Variants in CCDC88C observed in about 807,000 individuals in gnomAD.
The protein encoded by CCDC88C is protein Daple.
A neutral mutation model predicts 198.8 loss-of-function variants in CCDC88C; 131 were observed. That is an observed-to-expected ratio of 0.66 (90% CI 0.57 to 0.76). The LOEUF (loss-of-function observed/expected upper bound fraction) is 0.76, where lower values mean the gene tolerates loss of function less well. Ranked by LOEUF, CCDC88C falls within the 30% of genes least tolerant of loss-of-function variation. The pLI, the probability that CCDC88C is intolerant of heterozygous loss-of-function variation, is 0.00. For missense variants in CCDC88C, 2,553 were observed against 2,631.6 expected, an observed-to-expected ratio of 0.97 and a Z score of 0.65; for synonymous variants, 1,166 against 1,114.7, an observed-to-expected ratio of 1.05 and a Z score of -0.92.
Position 91,278,188 on chromosome 14 carries a change from G to A in CCDC88C, c.4792C>T (p.Arg1598Trp). 1.9e-6 allele frequency: 3 copies of A among 1,608,912 alleles called. No individual in the cohort carries two copies. Among genetic ancestry groups the A allele is most frequent in the East Asian group, 2.2e-5 (1 of 44,794 alleles). ...TCTTCGCTGCTGAAGCTCTCAGACC[G>A]GCCATGGAGCTGCTCGGAGGAGCCT... ...LKGSSEQLHG[R>W]SESFSSEDLI... The change falls in exon 29 of 30, where the codon CGG (arginine) becomes TGG (tryptophan). Residue 1598 changes from arginine (R) to tryptophan (W), a missense_variant. Arg to Trp is a moderately radical substitution (Grantham distance 101, BLOSUM62 -3). Coordinates refer to ENST00000389857, the MANE Select transcript of CCDC88C (RefSeq NM_001080414.4).
chr14:91,342,590 A>G (rs1232523363), intron 5 of CCDC88C, 127 bp from the exon 6 acceptor site: 2 of 697,002 alleles, frequency 2.9e-6, no homozygotes, highest in African/African-American at 1.8e-5. Context: ...ATAACTAAGA[A>G]CGCTCTTGTC....
intron 3 of CCDC88C, among the ~76,000 whole-genome samples, chr14:91,393,484 G>C (rs529338563): frequency 1.3e-5 from 2 of 152,288 alleles, no homozygotes; most frequent in African/African-American, 4.8e-5. Context: ...CCTCAGCCCC[G>C]ATCTGGCTTC....
At position 91,318,917 on chromosome 14, in the gene CCDC88C, CAAAA is replaced by C. The variant is rs61183857; in HGVS notation, c.1527+2199_1527+2202del. 4.5e-3 allele frequency among the ~76,000 whole-genome samples: 478 copies of C among 105,272 alleles called. 3 individuals carry two copies. The highest frequency in any genetic ancestry group is 0.015 in the African/African-American group (417 of 27,940). 69.1% of individuals were successfully genotyped at this position (105,272 alleles called of 152,430 possible). On this transcript the variant is annotated intron_variant, in intron 13 of 29. Coordinates refer to ENST00000389857, the MANE Select transcript of CCDC88C (RefSeq NM_001080414.4). ...CTGGACAACAGAGCGAGACTCCGTC[CAAAA>C]AAAAAAAAAAAAAAAAAGAACCTGC... is the stretch of plus-strand genomic sequence containing the variant.
At chr14:91,344,235 C>T (rs1049562940) in intron 4 of CCDC88C, among the ~76,000 whole-genome samples, 2 of 123,066 alleles carry the variant, frequency 1.6e-5, no homozygotes, top group African/African-American at 6.3e-5. Flanking sequence ...ACATCAGCAT[C>T]CCTTTTTAGC....
intron 10 of CCDC88C, among the ~76,000 whole-genome samples, chr14:91,335,549 T>C (rs1173276667): frequency 1.3e-5 from 2 of 152,136 alleles, no homozygotes; most frequent in Non-Finnish European, 2.9e-5. Flanking sequence ...CCAGCCATGT[T>C]TGGGTGAGGC....
rs538140234 is a variant in CCDC88C, at chr14:91,352,137, C to T, written c.340+7505G>A. 9.2e-5 allele frequency among the ~76,000 whole-genome samples: 14 copies of T among 152,378 alleles called. No individual in the cohort carries two copies. Among genetic ancestry groups the T allele is most frequent in the Non-Finnish European group, 1.8e-4 (12 of 68,044 alleles). On this transcript the variant is annotated intron_variant, in intron 4 of 29. Transcript: ENST00000389857. This position sits in a 1 kb window ranked among gnomAD's most constrained non-coding sequence, Gnocchi z 4.2. ...AAACATAAAGACCTTTGACAAATAGCATCTCTTCCCTCCTCCGCAGACGGC... is the reference window on the plus strand; with the variant it reads ...AAACATAAAGACCTTTGACAAATAGTATCTCTTCCCTCCTCCGCAGACGGC...
chr14:91,325,877 T>C lies in CCDC88C; in HGVS notation c.1197+33A>G. ...AGCCACTGTGCCCGAGCCCAATCTG[T>C]TTTCAATGTAGTAACAACACAGCCT... On this transcript the variant is annotated intron_variant, in intron 11 of 29. Transcript: ENST00000389857. The surrounding 1 kb of genome is among the most constrained non-coding windows in gnomAD (Gnocchi z 4.1). 1 of 1,537,310 alleles carries C rather than the reference T, an allele frequency of 6.5e-7. No individual in the cohort carries two copies. Among genetic ancestry groups the C allele is most frequent in the Non-Finnish European group, 8.8e-7 (1 of 1,137,132 alleles).
intron 21 of CCDC88C, among the ~76,000 whole-genome samples, chr14:91,298,047 G>C (rs1285201455): frequency 6.6e-6 from 1 of 152,176 alleles, no homozygotes; most frequent in Non-Finnish European, 1.5e-5. Flanking sequence ...GAGTTCTCTG[G>C]AGATTTATAT....
chr14:91,295,927 G>A (rs544309969), intron 22 of CCDC88C, among the ~76,000 whole-genome samples: 1 of 152,240 alleles, frequency 6.6e-6, no homozygotes, highest in South Asian at 2.1e-4. Context: ...AGGAAATCTC[G>A]ACACGTAGAT....
intron 4 of CCDC88C, among the ~76,000 whole-genome samples, chr14:91,346,396 A>C (rs1893547142): frequency 6.6e-6 from 1 of 152,252 alleles, no homozygotes; most frequent in African/African-American, 2.4e-5. Context: ...GTTGCAAAGC[A>C]ATCTTCTAAG....
intron 4 of CCDC88C, among the ~76,000 whole-genome samples, chr14:91,359,160 CTTTTTTTTTTT>C (rs950112450): frequency 1.8e-5 from 2 of 108,656 alleles, no homozygotes; most frequent in East Asian, 2.7e-4. Flanking sequence ...AGGCTTCATT[CTTTTTTTTTTT>C]TTTTTTTTTT....
At position 91,321,242 on chromosome 14, in the gene CCDC88C, C is replaced by A. The variant is rs770409174; in HGVS notation, c.1405G>T (p.Glu469Ter). The change falls in exon 13 of 30, where the codon GAG becomes TAG. Residue 469 changes from glutamate to a stop codon, truncating the protein, a stop_gained. Coordinates refer to ENST00000389857, the MANE Select transcript of CCDC88C (RefSeq NM_001080414.4). LOFTEE classifies it high-confidence loss of function. ...ECASSRILKL[E>*]KENQSLQSTI... Reference sequence around the variant, plus strand: ...CTCTGGAGGCTCTGATTCTCCTTCTCCAGCTTCAGGATGCGGCTGGACGCA... The same window carrying A: ...CTCTGGAGGCTCTGATTCTCCTTCTACAGCTTCAGGATGCGGCTGGACGCA... The A allele has an allele frequency of 2.5e-6, 4 of 1,598,570 alleles. No homozygotes were observed. Among genetic ancestry groups the A allele is most frequent in the Non-Finnish European group, 3.4e-6 (4 of 1,172,164 alleles).
intron 4 of CCDC88C, among the ~76,000 whole-genome samples, chr14:91,359,432 C>G (rs974448000): frequency 1.3e-5 from 2 of 152,126 alleles, no homozygotes; most frequent in African/African-American, 4.8e-5. Context: ...CCACCGCGCC[C>G]GGCCTGGGAG....
intron 2 of CCDC88C, among the ~76,000 whole-genome samples, chr14:91,413,365 G>C (rs1042729846): frequency 6.6e-6 from 1 of 152,214 alleles, no homozygotes; most frequent in Non-Finnish European, 1.5e-5. Flanking sequence ...TCAAGGCTTA[G>C]AGAGTTTCAG....
chr14:91,290,949 A>T, intron 24 of CCDC88C, 46 bp downstream of exon 24: 1 of 1,195,844 alleles, frequency 8.4e-7, no homozygotes, highest in Non-Finnish European at 1.2e-6. Flanking sequence ...CAGAAAAGGA[A>T]GCTTTTAAGT....
chr14:91,372,893 C>G (rs1188679099), intron 3 of CCDC88C, among the ~76,000 whole-genome samples: 1 of 152,172 alleles, frequency 6.6e-6, no homozygotes, highest in African/African-American at 2.4e-5. Flanking sequence ...GTCAGGCCCC[C>G]GGAGGTGCTG....
At chr14:91,332,542 T>G (rs1596079975) in intron 10 of CCDC88C, among the ~76,000 whole-genome samples, 1 of 152,222 alleles carries the variant, frequency 6.6e-6, no homozygotes, top group African/African-American at 2.4e-5. Context: ...TCCTCCCACA[T>G]GGCAGGATGC....
At chr14:91,357,399 C>A (rs918471381) in intron 4 of CCDC88C, among the ~76,000 whole-genome samples, 1 of 152,236 alleles carries the variant, frequency 6.6e-6, no homozygotes, top group Non-Finnish European at 1.5e-5. Context: ...ACTATGAGTG[C>A]GTGTCACCAT....
chr14:91,397,476 ACT>A (rs1381679710), intron 3 of CCDC88C, among the ~76,000 whole-genome samples: 5 of 151,058 alleles, frequency 3.3e-5, no homozygotes, highest in East Asian at 1.9e-4. Flanking sequence ...ACACTCACAC[ACT>A]CTCACACTCA....
Sources: allele counts gnomAD v4.1 joint callset (sites outside exome capture counted in the v4.1 genomes callset), GRCh38; gene constraint gnomAD v4.1.1; non-coding constraint Gnocchi (gnomAD v3.1); transcripts MANE v1.5; gene names NCBI Gene and HGNC (gene_info 2026-07-23, HGNC 2026-07-21).